The following NCLN variants were observed in gnomAD, a reference collection of about 807,000 sequenced individuals.
The protein encoded by NCLN is nicalin.
A neutral mutation model predicts 69.5 loss-of-function variants in NCLN; 34 were observed. The ratio of observed to expected loss-of-function variants is 0.49; its 90% CI spans 0.37 to 0.65. The LOEUF (loss-of-function observed/expected upper bound fraction) is 0.65, where lower values mean the gene tolerates loss of function less well. Among genes scored for constraint, NCLN ranks in the 30% least tolerant of loss-of-function variants. The pLI, the probability that NCLN is intolerant of heterozygous loss-of-function variation, is 0.00. For missense variants in NCLN, 710 were observed against 804.8 expected (o/e 0.88, Z 1.42); for synonymous variants, 393 against 358.3 (o/e 1.10, Z -1.09).
At position 3,201,544 on chromosome 19, in the gene NCLN, T is replaced by C; in HGVS notation, c.718T>C (p.Ser240Pro). ...VAPWLSLGAD[S>P]NGSGVSVLLE... The stretch of plus-strand genomic sequence containing the variant: ...GTAGTGGCTGTCGCTGGGCGCGGAC[T>C]CCAACGGGAGCGGCGTCTCTGTGCT... The change falls in exon 6 of 15, where the codon TCC (serine) becomes CCC (proline). Residue 240 changes from serine (S) to proline (P), a missense_variant. By Grantham distance (74) the Ser-to-Pro change is moderately conservative. Coordinates refer to ENST00000246117, the MANE Select transcript of NCLN (RefSeq NM_020170.4). 6.4e-7 allele frequency: 1 copy of C among 1,563,020 alleles called. No homozygotes were observed. Among genetic ancestry groups the C allele is most frequent in the Admixed American group, 1.8e-5 (1 of 54,966 alleles).
chr19:3,207,175 C>T, intron 12 of NCLN, 23 bp from the exon 13 acceptor site: 4 of 1,613,446 alleles, frequency 2.5e-6, no homozygotes, highest in East Asian at 2.2e-5. Context: ...GTGGTGCCCC[C>T]TGAGAAAGTG....
chr19:3,198,560 C>A (rs964343938), intron 4 of NCLN, among the ~76,000 whole-genome samples: 1 of 151,952 alleles, frequency 6.6e-6, no homozygotes, highest in Non-Finnish European at 1.5e-5. Context: ...TCCTGCTCTC[C>A]CCGATTTTTA....
chr19:3,192,711 G>A (rs1915860104), intron 2 of NCLN, 51 bp downstream of exon 2: 1 of 1,455,018 alleles, frequency 6.9e-7, no homozygotes, highest in Non-Finnish European at 9.1e-7. Context: ...TGCGGCGGGA[G>A]TTGGAGGCAA....
rs1056643660 is a variant in NCLN at position 3,201,223 on chromosome 19, C to T, written c.697-300C>T. ...TCCAAATTCTGCATGTAGCTTCTCCCGGGCGCGGGCCGAGCCGAGGTGGAT... is the reference window on the plus strand; with the variant it reads ...TCCAAATTCTGCATGTAGCTTCTCCTGGGCGCGGGCCGAGCCGAGGTGGAT... On this transcript the variant is annotated intron_variant, in intron 5 of 14. Transcript: ENST00000246117. 7.2e-5 allele frequency among the ~76,000 whole-genome samples: 11 copies of T among 152,218 alleles called. 1 individual carries two copies. The highest frequency in any genetic ancestry group is 1.9e-4 in the African/African-American group (8 of 41,454).
intron 4 of NCLN, among the ~76,000 whole-genome samples, chr19:3,198,502 G>A (rs1285524932): frequency 2.9e-5 from 4 of 136,004 alleles, no homozygotes; most frequent in African/African-American, 1.1e-4. Flanking sequence ...GTGAGATTCC[G>A]TCTCAAAAAA....
At chr19:3,203,159 T>G (rs943786397) in intron 6 of NCLN, among the ~76,000 whole-genome samples, 1 of 151,930 alleles carries the variant, frequency 6.6e-6, no homozygotes, top group Non-Finnish European at 1.5e-5. Context: ...AAATACAAAA[T>G]TAGCCAGGTG....
Position 3,206,206 on chromosome 19 carries a change from C to T in NCLN, c.1335+16C>T, listed in dbSNP as rs1271062097. The T allele has an allele frequency of 5.5e-6, 4 of 727,280 alleles. No homozygotes were observed. The highest frequency in any genetic ancestry group is 1.5e-4 in the East Asian group (2 of 13,594). The allele number at this position is 727,280 out of a possible 1,614,324, so 45.1% of individuals were successfully genotyped here. On this transcript the variant is annotated intron_variant, in intron 11 of 14. Coordinates refer to ENST00000246117, the MANE Select transcript of NCLN (RefSeq NM_020170.4). ...AGAGCAGATGGTAAGGGGGCCAGGCCAGTGGGTGGGTGGGTGGGCGGGGCC... is the reference window on the plus strand; with the variant it reads ...AGAGCAGATGGTAAGGGGGCCAGGCTAGTGGGTGGGTGGGTGGGCGGGGCC...
intron 3 of NCLN, among the ~76,000 whole-genome samples, chr19:3,194,831 A>G (rs556429022): frequency 6.6e-6 from 1 of 151,150 alleles, no homozygotes; most frequent in South Asian, 2.1e-4. Context: ...GCTCACTGCA[A>G]CCTGAAGGAG....
intron 5 of NCLN, among the ~76,000 whole-genome samples, chr19:3,200,080 G>C: frequency 6.6e-6 from 1 of 151,974 alleles, no homozygotes; most frequent in East Asian, 1.9e-4. Flanking sequence ...CTGAGTGCCC[G>C]ACCCCTTGGA....
rs1915653938 is a variant in NCLN at position 3,185,964 on chromosome 19, C to A, written c.-67C>A. 3 of 1,310,586 alleles carry A rather than the reference C, an allele frequency of 2.3e-6. No individual in the cohort carries two copies. The highest frequency in any genetic ancestry group is 3.7e-5 in the South Asian group (2 of 54,158). The allele number at this position is 1,310,586 out of a possible 1,614,324, so 81.2% of individuals were successfully genotyped here. Reference sequence around the variant, plus strand: ...GCGGCTACCCATGCCGAGGTGAGTCCGCGGGAGCCGCCGCCGCCGCCGTCC... The same window carrying A: ...GCGGCTACCCATGCCGAGGTGAGTCAGCGGGAGCCGCCGCCGCCGCCGTCC... On this transcript the variant is annotated 5_prime_UTR_variant, in exon 1 of 15. Transcript: ENST00000246117.
At chr19:3,188,268 G>A (rs1915721503) in intron 1 of NCLN, among the ~76,000 whole-genome samples, 1 of 151,118 alleles carries the variant, frequency 6.6e-6, no homozygotes, top group South Asian at 2.1e-4. Context: ...CTCTCCCCAA[G>A]AACCCACCCA....
chr19:3,201,119 C>A (rs964214889), intron 5 of NCLN, among the ~76,000 whole-genome samples: 1 of 152,214 alleles, frequency 6.6e-6, no homozygotes, highest in African/African-American at 2.4e-5. Flanking sequence ...AAGGGTGGGT[C>A]CCACAGAGGG....
chr19:3,204,480 G>A (rs1044183267), intron 8 of NCLN, 93 bp from the exon 9 acceptor site: 5 of 1,346,350 alleles, frequency 3.7e-6, no homozygotes, highest in East Asian at 5.2e-5. Context: ...TTGCACCCTC[G>A]GGGGTTCTGG....
chr19:3,203,589 C>A (rs1916181058), intron 6 of NCLN, among the ~76,000 whole-genome samples, 167 bp from the exon 7 acceptor site: 1 of 152,194 alleles, frequency 6.6e-6, no homozygotes, highest in African/African-American at 2.4e-5. Flanking sequence ...CATCCAGCCC[C>A]AGTGTCCACA....
At chr19:3,192,302 G>T (rs940394414) in intron 1 of NCLN, among the ~76,000 whole-genome samples, 168 bp from the exon 2 acceptor site, 12 of 148,684 alleles carry the variant, frequency 8.1e-5, no homozygotes, top group African/African-American at 2.5e-4. Context: ...GACCCGTTAT[G>T]TCGGGGGCAG....
rs568043480 is a variant in NCLN at position 3,202,442 on chromosome 19, A to G, written c.800+816A>G. Among the ~76,000 whole-genome samples, 7 of 152,246 alleles carry G rather than the reference A, an allele frequency of 4.6e-5. No homozygotes were observed. The South Asian group carries it at 1.0e-3, about 23-fold the overall frequency. ...AGGAGCACCCCCAGACGTAGCAACC[A>G]CAGATGTCTCCAGACATGACTGTGT... On this transcript the variant is annotated intron_variant, in intron 6 of 14. Transcript: ENST00000246117.
chr19:3,199,028 G>C, intron 5 of NCLN, 131 bp downstream of exon 5: 1 of 562,510 alleles, frequency 1.8e-6, no homozygotes, highest in South Asian at 4.0e-5. Context: ...GCCTTTGCCC[G>C]TCATCCTGGT....
chr19:3,194,343 A>G (rs539071908), intron 3 of NCLN, among the ~76,000 whole-genome samples: 1 of 152,258 alleles, frequency 6.6e-6, no homozygotes, highest in African/African-American at 2.4e-5. Context: ...AGGTCACACC[A>G]TTGCACTCCA....
At chr19:3,188,557 C>T (rs1267186709) in intron 1 of NCLN, among the ~76,000 whole-genome samples, 1 of 152,196 alleles carries the variant, frequency 6.6e-6, no homozygotes, top group African/African-American at 2.4e-5. Context: ...CCCCTGCAGT[C>T]CTTTCTCTCT....
Sources: gnomAD v4.1 joint callset for allele counts (sites outside exome capture counted in the v4.1 genomes callset) on GRCh38, gnomAD v4.1.1 for gene constraint, MANE v1.5 for transcripts, NCBI Gene and HGNC (gene_info 2026-07-23, HGNC 2026-07-21) for gene names.